Variants in KPNA7 observed in about 807,000 individuals in gnomAD.
KPNA7 encodes importin subunit alpha-8.
Under a neutral mutation model 53.7 loss-of-function variants are expected in KPNA7, and 54 were observed. The ratio of observed to expected loss-of-function variants is 1.01; its 90% CI spans 0.81 to 1.26. The LOEUF (loss-of-function observed/expected upper bound fraction) is 1.26. Among genes scored for constraint, KPNA7 ranks in the 50% most tolerant of loss-of-function variants. The pLI, the probability that KPNA7 is intolerant of heterozygous loss-of-function variation, is 0.00. For missense variants in KPNA7, 640 were observed against 644.5 expected (o/e 0.99, Z 0.07); for synonymous variants, 276 against 259.3 (o/e 1.06, Z -0.62).
Position 99,173,677 on chromosome 7 carries a change from GGGTT to G in KPNA7, c.*27_*30del. The G allele has an allele frequency of 7.2e-7, 1 of 1,385,640 alleles. No individual in the cohort carries two copies. Among genetic ancestry groups the G allele is most frequent in the Non-Finnish European group, 1.0e-6 (1 of 996,808 alleles). The allele number at this position is 1,385,640 out of a possible 1,614,324, so 85.8% of individuals were successfully genotyped here. On this transcript the variant is annotated 3_prime_UTR_variant, in exon 11 of 11. Coordinates refer to ENST00000327442, the MANE Select transcript of KPNA7 (RefSeq NM_001145715.3). ...CTTAAAGAAGTTATCCTTTAGCACT[GGGTT>G]GTTGGTTTAGGAGGTAGGGAGCTTG...
downstream of KPNA7, among the ~76,000 whole-genome samples, chr7:99,172,552 A>C (rs1405088643): frequency 6.6e-6 from 1 of 152,098 alleles, no homozygotes; most frequent in African/African-American, 2.4e-5. Context: ...TCTCTACAGA[A>C]TTCTTTAAAA....
At chr7:99,179,634 G>A (rs1799074398) in intron 9 of KPNA7, among the ~76,000 whole-genome samples, 1 of 151,472 alleles carries the variant, frequency 6.6e-6, no homozygotes, top group South Asian at 2.1e-4. Flanking sequence ...GCCCAAGCTG[G>A]AGTGCAGTGG....
chr7:99,194,418 C>T (rs1790122825), intron 5 of KPNA7, among the ~76,000 whole-genome samples: 1 of 152,102 alleles, frequency 6.6e-6, no homozygotes, highest in Admixed American at 6.6e-5. Context: ...CTTCTGGGGT[C>T]CCGAGTTATG....
chr7:99,188,948 C>T (rs1789786538), intron 6 of KPNA7, among the ~76,000 whole-genome samples: 1 of 152,068 alleles, frequency 6.6e-6, no homozygotes, highest in Admixed American at 6.6e-5. Flanking sequence ...TCCCAACGTG[C>T]TGGGATTACA....
At chr7:99,167,992 C>T in the KPNA7 span, among the ~76,000 whole-genome samples, 1 of 151,314 alleles carries the variant, frequency 6.6e-6, no homozygotes, top group Non-Finnish European at 1.5e-5. Context: ...CCCCCACCCC[C>T]ACACCCCTCT....
chr7:99,195,076 T>C lies in KPNA7; in HGVS notation c.547A>G (p.Ile183Val). Residue 183 changes from isoleucine (I) to valine (V), a missense_variant, in exon 5 of 11, where the codon ATA (isoleucine) becomes GTA (valine). Ile to Val is a conservative substitution (Grantham distance 29, BLOSUM62 3). Transcript: ENST00000327442. ...CEQAVWALGNIAGDGPEFRDN... is the reference protein window; with the variant it reads ...CEQAVWALGNVAGDGPEFRDN... ...ACTAAGGGGAGAGTCTCACCGGCTATATTACCAAGAGCCCACACTGCCTGT... is the reference window on the plus strand; with the variant it reads ...ACTAAGGGGAGAGTCTCACCGGCTACATTACCAAGAGCCCACACTGCCTGT... 1 of 1,551,398 alleles carries C rather than the reference T, an allele frequency of 6.4e-7. No individual in the cohort carries two copies. The highest frequency in any genetic ancestry group is 1.2e-5 in the South Asian group (1 of 84,056).
downstream of KPNA7, among the ~76,000 whole-genome samples, chr7:99,168,729 C>A (rs148517703): frequency 6.6e-6 from 1 of 152,208 alleles, no homozygotes; most frequent in East Asian, 1.9e-4. Context: ...AACTCCTGGC[C>A]TCAAACGATT....
intron 10 of KPNA7, among the ~76,000 whole-genome samples, chr7:99,176,335 A>G (rs1312923865): frequency 1.3e-5 from 2 of 150,676 alleles, no homozygotes; most frequent in East Asian, 2.0e-4. Context: ...GAAAGAAAAG[A>G]AAAATTTCTG....
intron 8 of KPNA7, 91 bp from the exon 9 acceptor site, chr7:99,182,156 A>G: frequency 1.1e-6 from 1 of 924,606 alleles, no homozygotes; most frequent in East Asian, 2.8e-5. Context: ...GAGGCTGGTG[A>G]CAGCCAGGAC....
intron 7 of KPNA7, 55 bp downstream of exon 7, chr7:99,188,245 C>T: frequency 6.6e-7 from 1 of 1,519,264 alleles, no homozygotes; most frequent in South Asian, 1.2e-5. Context: ...CCAGAACCTG[C>T]TAAAGTGACT....
At position 99,182,068 on chromosome 7, in the gene KPNA7, G is replaced by A. The variant is rs1384161087; in HGVS notation, c.1135-3C>T. On this transcript the variant is annotated splice_polypyrimidine_tract_variant and splice_region_variant and intron_variant, in intron 8 of 10. Transcript: ENST00000327442. ...TCTTTCTGGACTTTAAATTCTCCCT[G>A]CAGAACAAGAATGTTTCCATTCTCT... is the stretch of plus-strand genomic sequence containing the variant. The A allele has an allele frequency of 6.6e-7, 1 of 1,526,636 alleles. No individual in the cohort carries two copies. Among genetic ancestry groups the A allele is most frequent in the Non-Finnish European group, 8.8e-7 (1 of 1,130,266 alleles). 94.6% of individuals were successfully genotyped at this position (1,526,636 alleles called of 1,614,324 possible). A position where few individuals can be genotyped will look rare whatever the true frequency, so the allele number is the denominator to read the frequency against.
At chr7:99,160,029 T>TTG in the KPNA7 span, among the ~76,000 whole-genome samples, 1 of 140,892 alleles carries the variant, frequency 7.1e-6, no homozygotes, top group African/African-American at 2.7e-5. Flanking sequence ...TTTTTTTTTT[T>TTG]TTTTTTTTTT....
chr7:99,178,877 G>C (rs1799035365), intron 9 of KPNA7, among the ~76,000 whole-genome samples: 1 of 147,136 alleles, frequency 6.8e-6, no homozygotes, highest in South Asian at 2.2e-4. Flanking sequence ...CCACCTCCCA[G>C]GTTCAAGAGA....
At position 99,199,373 on chromosome 7, in the gene KPNA7, C is replaced by T. The variant is rs371729828; in HGVS notation, c.202-3207G>A. The stretch of plus-strand genomic sequence containing the variant: ...TACCACAAAGCTACAGTAATCAAAC[C>T]TTTGTTTGATGACAAAGATAAACGT... On this transcript the variant is annotated intron_variant, in intron 3 of 10. Coordinates refer to ENST00000327442, the MANE Select transcript of KPNA7 (RefSeq NM_001145715.3). 5.9e-5 allele frequency among the ~76,000 whole-genome samples: 9 copies of T among 152,184 alleles called. No homozygotes were observed. In the East Asian group the frequency reaches 9.6e-4, roughly 16 times the overall value.
intron 6 of KPNA7, among the ~76,000 whole-genome samples, chr7:99,191,180 AT>A (rs1227289081): frequency 7.2e-6 from 1 of 139,280 alleles, no homozygotes; most frequent in African/African-American, 2.7e-5. Context: ...TTTTTTTGAG[AT>A]GGAGTCTTGC....
Position 99,202,313 on chromosome 7 carries a change from A to G in KPNA7, c.201+793T>C, listed in dbSNP as rs146210563. 1.7e-3 allele frequency among the ~76,000 whole-genome samples: 257 copies of G among 152,208 alleles called. 1 individual carries two copies. The highest frequency in any genetic ancestry group is 4.1e-3 in the Admixed American group (62 of 15,280). On this transcript the variant is annotated intron_variant, in intron 3 of 10. Transcript: ENST00000327442. ...CATTATTGAGGTGCTAAGAAGGAAA[A>G]CTTCCTGGTCAAGGCATTCGGTATT... is the stretch of plus-strand genomic sequence containing the variant.
intron 6 of KPNA7, among the ~76,000 whole-genome samples, chr7:99,190,057 G>A (rs1490866389): frequency 3.3e-5 from 5 of 151,984 alleles, no homozygotes; most frequent in East Asian, 1.9e-4. Flanking sequence ...AGGAGCTCTC[G>A]GCTGGGCGTG....
chr7:99,188,656 T>C (rs1789768710), intron 6 of KPNA7, 93 bp from the exon 7 acceptor site: 1 of 1,279,992 alleles, frequency 7.8e-7, no homozygotes, highest in Admixed American at 2.2e-5. Context: ...ATACCATAGA[T>C]CAGCATGAAC....
Position 99,193,059 on chromosome 7 carries a change from G to A in KPNA7, c.596C>T (p.Ala199Val). ...AATCAAGGCTAGGAGATGTGGGATGGCATTGCTTGTGATGACGTTATCTCT... is the reference window on the plus strand; with the variant it reads ...AATCAAGGCTAGGAGATGTGGGATGACATTGCTTGTGATGACGTTATCTCT... Reference protein sequence around the residue: ...EFRDNVITSNAIPHLLALISP... With the variant: ...EFRDNVITSNVIPHLLALISP... The change falls in exon 6 of 11, where the codon GCC becomes GTC. Residue 199 changes from alanine to valine, a missense_variant. Coordinates refer to ENST00000327442, the MANE Select transcript of KPNA7 (RefSeq NM_001145715.3). The A allele has an allele frequency of 7.3e-6, 11 of 1,511,986 alleles. No homozygotes were observed. The highest frequency in any genetic ancestry group is 9.7e-6 in the Non-Finnish European group (11 of 1,132,004). 93.7% of individuals were successfully genotyped at this position (1,511,986 alleles called of 1,614,324 possible). A position where few individuals can be genotyped will look rare whatever the true frequency, so the allele number is the denominator to read the frequency against.
Sources: gnomAD v4.1 joint callset for allele counts (sites outside exome capture counted in the v4.1 genomes callset) on GRCh38, gnomAD v4.1.1 for gene constraint, MANE v1.5 for transcripts, NCBI Gene and HGNC (gene_info 2026-07-23, HGNC 2026-07-21) for gene names.